The following MEIKIN variants were observed in gnomAD, a reference collection of about 807,000 sequenced individuals.
MEIKIN encodes the protein meiotic kinetochore factor, also known as meiosis-specific kinetochore protein.
At position 131,821,840 on chromosome 5, in the gene MEIKIN, G is replaced by A. The variant is rs1253256932; in HGVS notation, c.976-2977C>T. On this transcript the variant is annotated intron_variant, in intron 11 of 12. Coordinates refer to ENST00000442687, the MANE Select transcript of MEIKIN (RefSeq NM_001303622.2). ...GGGTCTCACTTTGTTACCCAGGCTG[G>A]TCTCAAACTCCTGGGCTCAAGTGAT... Among the ~76,000 whole-genome samples, 4 of 151,816 alleles carry A rather than the reference G, an allele frequency of 2.6e-5. No homozygotes were observed. The East Asian group carries it at 7.7e-4, about 29-fold the overall frequency.
intron 5 of MEIKIN, among the ~76,000 whole-genome samples, chr5:131,923,194 T>A (rs576049866): frequency 1.5e-4 from 23 of 152,310 alleles, no homozygotes; most frequent in African/African-American, 4.8e-4. Flanking sequence ...GGTCCCTCTA[T>A]ATTTTTAAAT....
chr5:131,891,176 A>G (rs1233298942), intron 8 of MEIKIN, among the ~76,000 whole-genome samples: 1 of 152,204 alleles, frequency 6.6e-6, no homozygotes, highest in Non-Finnish European at 1.5e-5. Flanking sequence ...TGTGGTGCTG[A>G]AAAGAATGTA....
intron 8 of MEIKIN, among the ~76,000 whole-genome samples, chr5:131,890,209 C>T (rs973301093): frequency 6.6e-6 from 1 of 152,146 alleles, no homozygotes; most frequent in Admixed American, 6.5e-5. Flanking sequence ...ATGATGCTGG[C>T]CTCATAAAAT....
chr5:131,938,691 C>A (rs115932998), intron 4 of MEIKIN, among the ~76,000 whole-genome samples: 33 of 152,218 alleles, frequency 2.2e-4, no homozygotes, highest in African/African-American at 7.9e-4. Flanking sequence ...CAAGAGCCTG[C>A]ACTTGTTTCA....
At chr5:131,849,249 G>A (rs772948196) in intron 11 of MEIKIN, among the ~76,000 whole-genome samples, 18 of 151,876 alleles carry the variant, frequency 1.2e-4, no homozygotes, top group Admixed American at 4.6e-4. Flanking sequence ...GGGAGTTATT[G>A]TGAGATCTTG....
At chr5:131,905,778 G>A (rs530520855) in intron 8 of MEIKIN, among the ~76,000 whole-genome samples, 88 of 152,254 alleles carry the variant, frequency 5.8e-4, no homozygotes, top group African/African-American at 2.1e-3. Context: ...AAGCAATGGG[G>A]AAAGGACCAT....
At chr5:131,914,883 G>A (rs920603943) in intron 7 of MEIKIN, among the ~76,000 whole-genome samples, 1 of 152,098 alleles carries the variant, frequency 6.6e-6, no homozygotes, top group African/African-American at 2.4e-5. Context: ...ATGGGAAGAT[G>A]ACATTAGAAG....
chr5:131,837,437 T>C (rs1308470192), intron 11 of MEIKIN, among the ~76,000 whole-genome samples: 1 of 152,168 alleles, frequency 6.6e-6, no homozygotes, highest in Non-Finnish European at 1.5e-5. Flanking sequence ...AATCTATAAA[T>C]TGCTTTGGGT....
chr5:131,851,168 G>A lies in MEIKIN; in HGVS notation c.975+96C>T, dbSNP rs893871793. The A allele has an allele frequency of 1.0e-4, 40 of 391,150 alleles. No homozygotes were observed. The East Asian group carries it at 1.3e-3, about 13-fold the overall frequency. The allele number at this position is 391,150 out of a possible 1,614,324, so 24.2% of individuals were successfully genotyped here. On this transcript the variant is annotated intron_variant, in intron 11 of 12. Transcript: ENST00000442687. ...AATATTTGCAAATTATGTTTCTCATGAGTTAAGAGATTTCTTATAGCACCT... is the reference window on the plus strand; with the variant it reads ...AATATTTGCAAATTATGTTTCTCATAAGTTAAGAGATTTCTTATAGCACCT...
At chr5:131,832,722 T>C (rs925844372) in intron 11 of MEIKIN, among the ~76,000 whole-genome samples, 1 of 152,238 alleles carries the variant, frequency 6.6e-6, no homozygotes, top group Non-Finnish European at 1.5e-5. Context: ...ATTCTTGACT[T>C]CTGTGCACCC....
intron 6 of MEIKIN, 33 bp downstream of exon 6, chr5:131,921,789 G>C: frequency 2.5e-6 from 1 of 398,814 alleles, no homozygotes; most frequent in Non-Finnish European, 4.4e-6. Flanking sequence ...TTCCAACATA[G>C]ATGAGAAATG....
Position 131,925,705 on chromosome 5 carries a change from G to T in MEIKIN, c.479-3764C>A, listed in dbSNP as rs534660287. On this transcript the variant is annotated intron_variant, in intron 5 of 12. Coordinates refer to ENST00000442687, the MANE Select transcript of MEIKIN (RefSeq NM_001303622.2). ...TTTTTTTGAGACAGAGTCTTGCTCT[G>T]TCACTCAGGCTGGAGTGCAGTGGCA... 6.6e-5 allele frequency among the ~76,000 whole-genome samples: 10 copies of T among 151,956 alleles called. No individual in the cohort carries two copies. The South Asian group carries it at 2.1e-3, about 32-fold the overall frequency.
At chr5:131,817,966 T>C (rs1773132865) in intron 12 of MEIKIN, among the ~76,000 whole-genome samples, 1 of 152,014 alleles carries the variant, frequency 6.6e-6, no homozygotes, top group Admixed American at 6.6e-5. Context: ...CCTTCTAAAC[T>C]CAAAAAACCA....
intron 8 of MEIKIN, among the ~76,000 whole-genome samples, chr5:131,879,545 T>A (rs150551291): frequency 2.8e-4 from 43 of 152,382 alleles, no homozygotes; most frequent in Non-Finnish European, 5.0e-4. Context: ...CAAGCCTGTT[T>A]CATCAAAAAC....
chr5:131,885,347 G>GAGAGAGAGAGAGAGAGAA (rs1750766286), intron 8 of MEIKIN, among the ~76,000 whole-genome samples: 1 of 1,636 alleles, frequency 6.1e-4, no homozygotes, highest in Non-Finnish European at 1.9e-3. Context: ...CTGAAAGAGA[G>GAGAGAGAGAGAGAGAGAA]AGAGAGAGAG....
In MEIKIN at chr5:131,879,042, G is replaced by GC. The variant is rs1338685365; in HGVS notation, c.709dup (p.Ala237GlyfsTer4). ...CTCAGCAAGTAAAATCTCACAAGCTGCATTATCTATAAATAAAAACATAGT... is the reference window on the plus strand; with the variant it reads ...CTCAGCAAGTAAAATCTCACAAGCTGCCATTATCTATAAATAAAAACATAGT... On this transcript the variant is annotated frameshift_variant, in exon 9 of 13. Coordinates refer to ENST00000442687, the MANE Select transcript of MEIKIN (RefSeq NM_001303622.2). LOFTEE classifies it high-confidence loss of function. 2.5e-6 allele frequency: 1 copy of GC among 398,456 alleles called. No individual in the cohort carries two copies. The highest frequency in any genetic ancestry group is 4.4e-6 in the Non-Finnish European group (1 of 225,808). The allele number at this position is 398,456 out of a possible 1,614,324, so 24.7% of individuals were successfully genotyped here.
At chr5:131,892,195 T>C (rs1357793463) in intron 8 of MEIKIN, among the ~76,000 whole-genome samples, 3 of 152,190 alleles carry the variant, frequency 2.0e-5, no homozygotes, top group Non-Finnish European at 4.4e-5. Context: ...CTATGTGTCT[T>C]GGATTTGCTC....
intron 11 of MEIKIN, among the ~76,000 whole-genome samples, chr5:131,838,229 T>G (rs1174532297): frequency 3.3e-5 from 5 of 152,194 alleles, no homozygotes; most frequent in African/African-American, 4.8e-5. Flanking sequence ...ATTAGCTTTT[T>G]GATATGCTGC....
rs199990669 is a variant in MEIKIN at position 131,887,699 on chromosome 5, GT to G, written c.704-8652del. Reference sequence around the variant, plus strand: ...TGTTGGGTTTTTTTCTTGTAAATTTGTTTTTTTTTTATTTTATTATTATTAT... The same window carrying G: ...TGTTGGGTTTTTTTCTTGTAAATTTGTTTTTTTTTATTTTATTATTATTAT... On this transcript the variant is annotated intron_variant, in intron 8 of 12. Coordinates refer to ENST00000442687, the MANE Select transcript of MEIKIN (RefSeq NM_001303622.2). Among the ~76,000 whole-genome samples, 557 of 148,190 alleles carry G rather than the reference GT, an allele frequency of 3.8e-3. 4 individuals carry two copies. The highest frequency in any genetic ancestry group is 0.013 in the African/African-American group (508 of 40,408).
Sources: gnomAD v4.1 joint callset for allele counts (sites outside exome capture counted in the v4.1 genomes callset) on GRCh38, gnomAD v4.1.1 for gene constraint, MANE v1.5 for transcripts, NCBI Gene and HGNC (gene_info 2026-07-23, HGNC 2026-07-21) for gene names.